The following RBFOX1 variants were observed in gnomAD, a reference collection of about 807,000 sequenced individuals.
RBFOX1 encodes RNA binding fox-1 homolog 1.
In RBFOX1, 8 loss-of-function variants were observed where a neutral mutation model predicts 57.7. The observed-to-expected ratio is 0.14, with a 90% CI of 0.08 to 0.25. RBFOX1 has a LOEUF of 0.25. Ranked by LOEUF, RBFOX1 falls within the 10% of genes least tolerant of loss-of-function variation. The pLI, the probability that RBFOX1 is intolerant of heterozygous loss-of-function variation, is 1.00. For missense variants in RBFOX1, 611 were observed against 548.5 expected (o/e 1.11, Z -1.14); for synonymous variants, 326 against 222.4 (o/e 1.47, Z -4.15).
chr16:7,351,053 G>T (rs2097122087), intron 4 of RBFOX1, among the ~76,000 whole-genome samples: 1 of 152,238 alleles, frequency 6.6e-6, no homozygotes, highest in Non-Finnish European at 1.5e-5. Flanking sequence ...TCACAGGACA[G>T]TTCTGTCTTC....
At chr16:7,170,533 A>T (rs1200686505) in intron 4 of RBFOX1, among the ~76,000 whole-genome samples, 7 of 152,198 alleles carry the variant, frequency 4.6e-5, no homozygotes, top group African/African-American at 1.7e-4. Context: ...TGGGATTGCA[A>T]GTGCGAGCCA....
intron 1 of RBFOX1, among the ~76,000 whole-genome samples, chr16:6,112,270 C>T (rs1052020086): frequency 2.6e-5 from 4 of 152,122 alleles, no homozygotes; most frequent in African/African-American, 9.7e-5. Context: ...GGAATCTTGT[C>T]AGTGTTAAAT....
chr16:5,240,983 G>C (rs1211041414), intron 1 of RBFOX1, among the ~76,000 whole-genome samples: 2 of 152,228 alleles, frequency 1.3e-5, no homozygotes, highest in Admixed American at 6.5e-5. Context: ...ATGGATAATG[G>C]GGTTGACCTC....
intron 14 of RBFOX1, among the ~76,000 whole-genome samples, chr16:7,688,471 G>A (rs552531752): frequency 3.3e-5 from 5 of 152,050 alleles, no homozygotes; most frequent in South Asian, 2.1e-4. Context: ...CCACCTGCCC[G>A]CACCAAAAGT....
intron 4 of RBFOX1, among the ~76,000 whole-genome samples, chr16:7,259,159 C>A (rs901757881): frequency 6.6e-6 from 1 of 152,118 alleles, no homozygotes; most frequent in Non-Finnish European, 1.5e-5. Context: ...CTGTTGACAC[C>A]ACATGACCTC....
chr16:6,877,044 T>C (rs2061974610), intron 3 of RBFOX1, among the ~76,000 whole-genome samples: 1 of 152,240 alleles, frequency 6.6e-6, no homozygotes, highest in Non-Finnish European at 1.5e-5. Context: ...TAAATATTCA[T>C]ATGTATATTT....
chr16:6,696,242 C>G (rs1018475533), intron 3 of RBFOX1, among the ~76,000 whole-genome samples: 1 of 152,000 alleles, frequency 6.6e-6, no homozygotes, highest in Non-Finnish European at 1.5e-5. Flanking sequence ...CTGTTTGTAC[C>G]ACTATTACAG....
At chr16:7,409,667 G>C (rs942635146) in intron 4 of RBFOX1, among the ~76,000 whole-genome samples, 4 of 152,186 alleles carry the variant, frequency 2.6e-5, no homozygotes, top group African/African-American at 7.2e-5. Flanking sequence ...CTATAGGCCA[G>C]ACCTTCTATC....
chr16:6,627,750 G>C (rs1471526191), intron 2 of RBFOX1, among the ~76,000 whole-genome samples: 1 of 152,186 alleles, frequency 6.6e-6, no homozygotes, highest in Non-Finnish European at 1.5e-5. Flanking sequence ...GAGGGAGGGT[G>C]GAGATTTGGT....
chr16:6,823,143 GC>G (rs781153796), intron 3 of RBFOX1, among the ~76,000 whole-genome samples: 1 of 152,126 alleles, frequency 6.6e-6, no homozygotes, highest in Non-Finnish European at 1.5e-5. Flanking sequence ...TTTGATAGAA[GC>G]CAGGACCATC....
chr16:6,854,587 ATTTTTTTTTTT>A (rs71147611), intron 3 of RBFOX1, among the ~76,000 whole-genome samples: 1 of 70,650 alleles, frequency 1.4e-5, no homozygotes, highest in Non-Finnish European at 2.6e-5. Flanking sequence ...GGAGAGGTGA[ATTTTTTTTTTT>A]TTTTTTTTTT....
intron 1 of RBFOX1, among the ~76,000 whole-genome samples, chr16:5,347,503 G>A (rs966665217): frequency 6.6e-6 from 1 of 152,102 alleles, no homozygotes; most frequent in African/African-American, 2.4e-5. Context: ...ATCATGTCAT[G>A]TGTCTTCTTA....
chr16:7,354,519 T>G (rs1341192782), intron 4 of RBFOX1, among the ~76,000 whole-genome samples: 1 of 152,032 alleles, frequency 6.6e-6, no homozygotes, highest in Non-Finnish European at 1.5e-5. Flanking sequence ...CTGAATGAGC[T>G]TGGAAAAAAA....
At position 6,991,161 on chromosome 16, in the gene RBFOX1, A is replaced by AAAAAAAAC. The variant is rs1271872183; in HGVS notation, c.-15-60895_-15-60894insAAAAAACA. Among the ~76,000 whole-genome samples, 168 of 139,984 alleles carry AAAAAAAAC rather than the reference A, an allele frequency of 1.2e-3. 6 individuals are homozygous for AAAAAAAAC. The highest frequency in any genetic ancestry group is 3.7e-3 in the Middle Eastern group (1 of 268). The allele number at this position is 139,984 out of a possible 152,430, so 91.8% of individuals were successfully genotyped here. On this transcript the variant is annotated intron_variant, in intron 3 of 15. Coordinates refer to ENST00000550418, the MANE Select transcript of RBFOX1 (RefSeq NM_018723.4). ...CAAAAAAAAAAAAAAAAAAAAAAAA[A>AAAAAAAAC]AGACACGGTGGCGTGTACCTTTAGT...
intron 4 of RBFOX1, among the ~76,000 whole-genome samples, chr16:5,895,732 T>C (rs2058148520): frequency 6.6e-6 from 1 of 152,138 alleles, no homozygotes; most frequent in Admixed American, 6.5e-5. Flanking sequence ...CGCAGGGGTT[T>C]TGGGAGGATT....
intron 1 of RBFOX1, among the ~76,000 whole-genome samples, chr16:5,248,054 A>G (rs1296543511): frequency 2.0e-5 from 3 of 152,188 alleles, no homozygotes; most frequent in Non-Finnish European, 4.4e-5. Flanking sequence ...TTTTCCTAAG[A>G]TGGGTCTCCA....
chr16:6,259,929 CTA>C (rs1431506547), intron 1 of RBFOX1, among the ~76,000 whole-genome samples: 1 of 145,988 alleles, frequency 6.8e-6, no homozygotes, highest in Non-Finnish European at 1.5e-5. Context: ...CCACTGAACT[CTA>C]GTCTTGGTGA....
At chr16:7,350,086 G>A (rs2097100156) in intron 4 of RBFOX1, among the ~76,000 whole-genome samples, 1 of 152,180 alleles carries the variant, frequency 6.6e-6, no homozygotes, top group African/African-American at 2.4e-5. Flanking sequence ...GGCAGAGGTT[G>A]CAGTGAGCCG....
intron 2 of RBFOX1, among the ~76,000 whole-genome samples, chr16:5,524,122 A>G (rs762126723): frequency 3.3e-5 from 5 of 152,188 alleles, no homozygotes; most frequent in Non-Finnish European, 7.3e-5. Flanking sequence ...TGCAATAAAG[A>G]CACACTCTGG....
Sources: allele counts gnomAD v4.1 joint callset (sites outside exome capture counted in the v4.1 genomes callset), GRCh38; gene constraint gnomAD v4.1.1; transcripts MANE v1.5; gene names NCBI Gene and HGNC (gene_info 2026-07-23, HGNC 2026-07-21).